Variants in GULP1 observed in about 807,000 individuals in gnomAD.
GULP1 encodes GULP PTB domain containing engulfment adaptor 1, also known as PTB domain-containing engulfment adapter protein 1.
Under a neutral mutation model 40.9 loss-of-function variants are expected in GULP1, and 19 were observed. That is an observed-to-expected ratio of 0.46 (90% CI 0.32 to 0.68). GULP1 has a LOEUF of 0.68. Among genes scored for constraint, GULP1 ranks in the 30% least tolerant of loss-of-function variants. The probability of loss-of-function intolerance (pLI) is 0.03; values close to 1 mark genes in which losing one functional copy is unlikely to be tolerated. For synonymous variants in GULP1, 119 were observed against 117.6 expected (o/e 1.01, Z -0.08); for missense variants, 312 against 362.2 (o/e 0.86, Z 1.12).
chr2:188,445,303 A>G (rs770270448), intron 2 of GULP1, among the ~76,000 whole-genome samples: 1 of 152,138 alleles, frequency 6.6e-6, no homozygotes, highest in African/African-American at 2.4e-5. Flanking sequence ...AAAGGAAAAA[A>G]AAACAAAAAC....
At chr2:188,466,521 G>C (rs933417359) in intron 2 of GULP1, 5 of 147,904 alleles carry the variant, frequency 3.4e-5, no homozygotes, top group African/African-American at 1.3e-4. Flanking sequence ...TCGATCTCCT[G>C]ACCTCGTGAT....
intron 4 of GULP1, among the ~76,000 whole-genome samples, chr2:188,494,774 A>T (rs1430655400): frequency 6.6e-6 from 1 of 151,738 alleles, no homozygotes; most frequent in Non-Finnish European, 1.5e-5. Flanking sequence ...CTCAAGCTTC[A>T]TCTCTCTTAT....
intron 1 of GULP1, among the ~76,000 whole-genome samples, chr2:188,334,012 A>G (rs1233943699): frequency 3.3e-5 from 5 of 152,104 alleles, no homozygotes; most frequent in Admixed American, 6.6e-5. Context: ...CACATTCCCT[A>G]AAGACTAGGG....
chr2:188,337,332 G>A (rs570956951), intron 1 of GULP1, among the ~76,000 whole-genome samples: 1 of 151,354 alleles, frequency 6.6e-6, no homozygotes, highest in South Asian at 2.1e-4. Context: ...AGAGATGGGG[G>A]TTTCATCATG....
chr2:188,379,225 A>G (rs1332403639), intron 1 of GULP1, among the ~76,000 whole-genome samples: 1 of 152,162 alleles, frequency 6.6e-6, no homozygotes, highest in African/African-American at 2.4e-5. Flanking sequence ...TTAAATTGAT[A>G]AATTTAAAAT....
intron 1 of GULP1, among the ~76,000 whole-genome samples, chr2:188,370,379 T>C (rs1488332778): frequency 6.6e-6 from 1 of 152,178 alleles, no homozygotes; most frequent in Non-Finnish European, 1.5e-5. Flanking sequence ...TATATTTTTG[T>C]TTACCTTATT....
intron 7 of GULP1, chr2:188,541,538 T>G: frequency 1.7e-6 from 1 of 594,632 alleles, no homozygotes; most frequent in Non-Finnish European, 3.0e-6. Flanking sequence ...GAGCATAAAC[T>G]TACATGTAAA....
chr2:188,392,946 A>G (rs1185590721), intron 2 of GULP1, among the ~76,000 whole-genome samples: 1 of 151,976 alleles, frequency 6.6e-6, no homozygotes. Context: ...GTGATCTGAG[A>G]AGTTGATATG....
At chr2:188,431,264 C>A (rs533721176) in intron 2 of GULP1, among the ~76,000 whole-genome samples, 147 of 151,936 alleles carry the variant, frequency 9.7e-4, no homozygotes, top group Non-Finnish European at 1.6e-3. Flanking sequence ...ATTTTAGCAT[C>A]AGGCTATAAC....
At chr2:188,428,885 G>T (rs13019290) in intron 2 of GULP1, among the ~76,000 whole-genome samples, 31,069 of 146,284 alleles carry the variant, frequency 0.21, 3,244 homozygotes, top group East Asian at 0.27. Flanking sequence ...AAAAAAGTGT[G>T]TTTTTTTTTT....
chr2:188,563,803 A>C (rs1030907276), intron 7 of GULP1, among the ~76,000 whole-genome samples: 1 of 151,952 alleles, frequency 6.6e-6, no homozygotes, highest in African/African-American at 2.4e-5. Context: ...CCCTGATTGA[A>C]AACATGACAA....
intron 2 of GULP1, among the ~76,000 whole-genome samples, chr2:188,440,932 A>G (rs1184390332): frequency 1.3e-5 from 2 of 152,166 alleles, no homozygotes; most frequent in Non-Finnish European, 2.9e-5. Flanking sequence ...TTGGGCCTTT[A>G]TTCTCAGCTC....
chr2:188,472,167 T>A (rs2060642226), intron 2 of GULP1, among the ~76,000 whole-genome samples: 1 of 152,154 alleles, frequency 6.6e-6, no homozygotes, highest in Non-Finnish European at 1.5e-5. Flanking sequence ...TGTGTTATTA[T>A]TTATTTCCTT....
chr2:188,552,224 T>G (rs1441919951), intron 7 of GULP1, among the ~76,000 whole-genome samples: 1 of 151,842 alleles, frequency 6.6e-6, no homozygotes, highest in Admixed American at 6.6e-5. Flanking sequence ...TTTTGAGATC[T>G]TAGTCATAAA....
chr2:188,403,363 T>C (rs1575032776), intron 2 of GULP1, among the ~76,000 whole-genome samples: 1 of 152,290 alleles, frequency 6.6e-6, no homozygotes, highest in South Asian at 2.1e-4. Context: ...ATAAATATAT[T>C]GTTACGTGCC....
chr2:188,327,096 C>T (rs1480660156), intron 1 of GULP1, among the ~76,000 whole-genome samples: 2 of 152,078 alleles, frequency 1.3e-5, no homozygotes, highest in Non-Finnish European at 1.5e-5. Context: ...AGCAAATAGC[C>T]TGGTGTCAGA....
chr2:188,425,213 C>T (rs2152789973), intron 2 of GULP1, among the ~76,000 whole-genome samples: 1 of 152,152 alleles, frequency 6.6e-6, no homozygotes, highest in African/African-American at 2.4e-5. Flanking sequence ...ATGATTCTTT[C>T]CCTTCATTTG....
chr2:188,389,851 C>A (rs187689862), intron 2 of GULP1, among the ~76,000 whole-genome samples: 14 of 152,184 alleles, frequency 9.2e-5, no homozygotes, highest in Non-Finnish European at 1.5e-4. Context: ...CATAGCTTAG[C>A]CAAGCGAGAA....
At chr2:188,368,939 G>GTATATATATATATATATATATATATATA (rs56274020) in intron 1 of GULP1, among the ~76,000 whole-genome samples, 2 of 86,088 alleles carry the variant, frequency 2.3e-5, no homozygotes, top group African/African-American at 8.2e-5. Context: ...ATATATGTGT[G>GTATATATATATATATATATATATATATA]TATATATATA....
Sources: gnomAD v4.1 joint callset for allele counts (sites outside exome capture counted in the v4.1 genomes callset) on GRCh38, gnomAD v4.1.1 for gene constraint, MANE v1.5 for transcripts, NCBI Gene and HGNC (gene_info 2026-07-23, HGNC 2026-07-21) for gene names.